The following DISC1 variants were observed in gnomAD, a reference collection of about 807,000 sequenced individuals.
DISC1 encodes DISC1 scaffold protein, also known as disrupted in schizophrenia 1 protein.
In DISC1, 57 loss-of-function variants were observed where a neutral mutation model predicts 84.5. That is an observed-to-expected ratio of 0.67 (90% CI 0.55 to 0.84). The LOEUF (loss-of-function observed/expected upper bound fraction) is 0.84, where lower values mean the gene tolerates loss of function less well. Among genes scored for constraint, DISC1 ranks in the 40% least tolerant of loss-of-function variants. The probability of loss-of-function intolerance (pLI) is 0.00; values close to 1 mark genes in which losing one functional copy is unlikely to be tolerated. For synonymous variants in DISC1, 411 were observed against 415.2 expected, an observed-to-expected ratio of 0.99 and a Z score of 0.12; for missense variants, 1,000 against 1,057.8, an observed-to-expected ratio of 0.95 and a Z score of 0.76.
intron 9 of DISC1, among the ~76,000 whole-genome samples, chr1:231,839,325 C>G: frequency 1.3e-5 from 2 of 152,292 alleles, no homozygotes; most frequent in South Asian, 4.1e-4. Flanking sequence ...ACTACTACTA[C>G]TAATATTGAC....
chr1:231,673,829 T>A (rs557446623), intron 1 of DISC1, among the ~76,000 whole-genome samples: 2 of 152,196 alleles, frequency 1.3e-5, no homozygotes, highest in Non-Finnish European at 2.9e-5. Context: ...ACAACAAACA[T>A]CATTGAGTAA....
chr1:231,727,372 A>C (rs1171209538), intron 3 of DISC1, among the ~76,000 whole-genome samples: 2 of 152,176 alleles, frequency 1.3e-5, no homozygotes, highest in Non-Finnish European at 2.9e-5. Flanking sequence ...AGAACCACTG[A>C]TGCCTGGGGC....
At chr1:231,732,524 T>C (rs1254990045) in intron 3 of DISC1, among the ~76,000 whole-genome samples, 3 of 152,254 alleles carry the variant, frequency 2.0e-5, no homozygotes, top group Non-Finnish European at 2.9e-5. Context: ...GGATATACAG[T>C]ATAAATAAAA....
chr1:231,871,356 A>G (rs1228619908), intron 9 of DISC1, among the ~76,000 whole-genome samples: 1 of 152,170 alleles, frequency 6.6e-6, no homozygotes. Context: ...GCAGAGGGAG[A>G]AGGATAGGGA....
intron 9 of DISC1, among the ~76,000 whole-genome samples, chr1:231,872,286 G>GAA (rs967212040): frequency 1.3e-5 from 2 of 151,398 alleles, no homozygotes; most frequent in Non-Finnish European, 2.9e-5. Context: ...TCTTAGTAAT[G>GAA]AAAAAAAATG....
intron 6 of DISC1, among the ~76,000 whole-genome samples, chr1:231,779,023 G>A (rs774446828): frequency 6.6e-6 from 1 of 152,092 alleles, no homozygotes; most frequent in African/African-American, 2.4e-5. Flanking sequence ...ACAGACTCTC[G>A]GTGGCAATAA....
chr1:231,960,115 G>A (rs1325132616), intron 10 of DISC1, among the ~76,000 whole-genome samples: 1 of 152,046 alleles, frequency 6.6e-6, no homozygotes, highest in African/African-American at 2.4e-5. Context: ...AGTTTGTTTT[G>A]TTTTGTTTTT....
intron 3 of DISC1, among the ~76,000 whole-genome samples, chr1:231,708,889 A>T (rs2067438092): frequency 6.6e-6 from 1 of 152,242 alleles, no homozygotes; most frequent in African/African-American, 2.4e-5. Flanking sequence ...TATCTAAAAA[A>T]TTAGTCTATT....
At chr1:231,879,479 G>A (rs977085354) in intron 9 of DISC1, among the ~76,000 whole-genome samples, 1 of 151,926 alleles carries the variant, frequency 6.6e-6, no homozygotes, top group African/African-American at 2.4e-5. Context: ...GATCAGATCT[G>A]TGCTTTTCAA....
At chr1:231,891,979 G>A (rs1010711966) in intron 9 of DISC1, among the ~76,000 whole-genome samples, 2 of 152,080 alleles carry the variant, frequency 1.3e-5, no homozygotes, top group Non-Finnish European at 2.9e-5. Context: ...CAGGTGAATT[G>A]TTTGACCCCA....
intron 9 of DISC1, among the ~76,000 whole-genome samples, chr1:231,929,352 C>A (rs1339300428): frequency 6.6e-6 from 1 of 152,198 alleles, no homozygotes. Context: ...CCACTCCTGA[C>A]AAAATATGGA....
At chr1:232,012,565 T>C (rs1250708182) in intron 11 of DISC1, among the ~76,000 whole-genome samples, 1 of 152,244 alleles carries the variant, frequency 6.6e-6, no homozygotes, top group Non-Finnish European at 1.5e-5. Context: ...GACCATCCTA[T>C]ACTGGTTTCT....
intron 11 of DISC1, among the ~76,000 whole-genome samples, chr1:232,014,215 C>A (rs1322202691): frequency 6.6e-6 from 1 of 152,104 alleles, no homozygotes; most frequent in Admixed American, 6.6e-5. Flanking sequence ...ATAATGGGTG[C>A]AGATCTGATT....
At chr1:231,772,979 C>G (rs1336946086) in intron 6 of DISC1, among the ~76,000 whole-genome samples, 1 of 152,180 alleles carries the variant, frequency 6.6e-6, no homozygotes, top group Non-Finnish European at 1.5e-5. Context: ...TCTCTCCCAC[C>G]TGCACTTTCA....
chr1:231,697,379 A>G (rs2065847934), intron 2 of DISC1, among the ~76,000 whole-genome samples: 1 of 152,146 alleles, frequency 6.6e-6, no homozygotes, highest in African/African-American at 2.4e-5. Flanking sequence ...GAATTCGTCT[A>G]CTTGCTAAAA....
chr1:231,941,641 T>A (rs926735945), intron 9 of DISC1, among the ~76,000 whole-genome samples: 3 of 152,090 alleles, frequency 2.0e-5, no homozygotes, highest in Middle Eastern at 3.4e-3. Context: ...CCCAGCTAAT[T>A]TTTGTATTTT....
intron 3 of DISC1, among the ~76,000 whole-genome samples, chr1:231,722,369 A>G (rs982034182): frequency 1.3e-5 from 2 of 152,208 alleles, no homozygotes; most frequent in African/African-American, 4.8e-5. Flanking sequence ...GTTCTGTAGA[A>G]TGCGGACAGC....
chr1:231,700,623 C>A (rs1050965085), intron 2 of DISC1, among the ~76,000 whole-genome samples: 2 of 152,112 alleles, frequency 1.3e-5, no homozygotes, highest in Non-Finnish European at 2.9e-5. Context: ...TTCCCATAAT[C>A]CCCGTTGTTC....
At chr1:231,749,905 C>T (rs746641012) in intron 3 of DISC1, 21 bp from the exon 4 acceptor site, 39 of 1,613,972 alleles carry the variant, frequency 2.4e-5, no homozygotes, top group Non-Finnish European at 3.0e-5. Context: ...TTTCCTCTCT[C>T]TCATCATTTT....
Sources: gnomAD v4.1 joint callset for allele counts (sites outside exome capture counted in the v4.1 genomes callset) on GRCh38, gnomAD v4.1.1 for gene constraint, MANE v1.5 for transcripts, NCBI Gene and HGNC (gene_info 2026-07-23, HGNC 2026-07-21) for gene names.